FOXP1: variants seen among roughly 807,000 people sequenced by gnomAD.
FOXP1 encodes the protein forkhead box P1, also known as forkhead box protein P1.
In FOXP1, 15 loss-of-function variants were observed where a neutral mutation model predicts 98.2. The ratio of observed to expected loss-of-function variants is 0.15; its 90% CI spans 0.10 to 0.24. The LOEUF (loss-of-function observed/expected upper bound fraction) is 0.24, where lower values mean the gene tolerates loss of function less well. Ranked by LOEUF, FOXP1 falls within the 10% of genes least tolerant of loss-of-function variation. FOXP1 has a pLI of 1.00. For synonymous variants in FOXP1, 371 were observed against 314.5 expected (o/e 1.18, Z -1.90); for missense variants, 633 against 848.5 (o/e 0.75, Z 3.15).
At chr3:71,128,125 A>T (rs1318545279) in intron 6 of FOXP1, among the ~76,000 whole-genome samples, 1 of 152,180 alleles carries the variant, frequency 6.6e-6, no homozygotes, top group Non-Finnish European at 1.5e-5. Flanking sequence ...TCTTGATACG[A>T]CTGGGCCAGG....
intron 11 of FOXP1, among the ~76,000 whole-genome samples, chr3:71,027,703 G>C (rs1392184510): frequency 6.6e-6 from 1 of 152,036 alleles, no homozygotes; most frequent in Non-Finnish European, 1.5e-5. Context: ...TAAGATTTCT[G>C]TATACACATA....
intron 5 of FOXP1, among the ~76,000 whole-genome samples, chr3:71,233,123 C>T (rs1469898941): frequency 6.7e-6 from 1 of 150,278 alleles, no homozygotes; most frequent in Non-Finnish European, 1.5e-5. Context: ...CCAGCCTAGG[C>T]AACAGAGTGA....
chr3:71,426,442 G>C (rs2084162070), intron 3 of FOXP1, among the ~76,000 whole-genome samples: 1 of 152,170 alleles, frequency 6.6e-6, no homozygotes, highest in Non-Finnish European at 1.5e-5. Flanking sequence ...AGGCAAAGAG[G>C]AGAAGTCTTC....
At chr3:71,425,182 C>T (rs77998903) in intron 3 of FOXP1, among the ~76,000 whole-genome samples, 1,838 of 152,160 alleles carry the variant, frequency 0.012, 42 homozygotes, top group African/African-American at 0.042. Flanking sequence ...GTGGCACAAT[C>T]TCGGCTCACT....
intron 3 of FOXP1, among the ~76,000 whole-genome samples, chr3:71,411,544 G>C (rs949953125): frequency 6.6e-6 from 1 of 152,020 alleles, no homozygotes; most frequent in Admixed American, 6.6e-5. Flanking sequence ...GGATGGTCTC[G>C]ATCTCCTGAC....
At chr3:71,531,310 T>C (rs1237276858) in intron 2 of FOXP1, among the ~76,000 whole-genome samples, 1 of 152,104 alleles carries the variant, frequency 6.6e-6, no homozygotes. Context: ...CCATTTCCAC[T>C]AGCACAGGCA....
At chr3:71,342,066 C>T (rs151028042) in intron 4 of FOXP1, among the ~76,000 whole-genome samples, 1 of 152,098 alleles carries the variant, frequency 6.6e-6, no homozygotes, top group Non-Finnish European at 1.5e-5. Context: ...ATGAATTTAA[C>T]TTTTTTGCCG....
At chr3:71,104,792 A>G (rs1329359955) in intron 7 of FOXP1, among the ~76,000 whole-genome samples, 2 of 152,206 alleles carry the variant, frequency 1.3e-5, no homozygotes, top group East Asian at 3.8e-4. Context: ...ACTTTGACAA[A>G]ACGTCCTGAT....
At chr3:71,318,212 A>G (rs1292013142) in intron 4 of FOXP1, among the ~76,000 whole-genome samples, 1 of 150,642 alleles carries the variant, frequency 6.6e-6, no homozygotes, top group Non-Finnish European at 1.5e-5. Flanking sequence ...AGGCATGAAA[A>G]TAGAGTTTCA....
chr3:71,562,137 T>C (rs919298334), intron 2 of FOXP1, among the ~76,000 whole-genome samples: 1 of 152,184 alleles, frequency 6.6e-6, no homozygotes, highest in Non-Finnish European at 1.5e-5. Flanking sequence ...AATGGAGGGA[T>C]ATGAAAGAAC....
intron 5 of FOXP1, among the ~76,000 whole-genome samples, chr3:71,244,697 T>G (rs2067577816): frequency 6.6e-6 from 1 of 151,916 alleles, no homozygotes; most frequent in African/African-American, 2.4e-5. Flanking sequence ...GTGGCATTTT[T>G]TTTTTCTGAA....
At chr3:71,096,685 T>A (rs79385869) in intron 7 of FOXP1, among the ~76,000 whole-genome samples, 7,210 of 152,210 alleles carry the variant, frequency 0.047, 610 homozygotes, top group African/African-American at 0.16. Flanking sequence ...ATATAACCAG[T>A]AAGATATTTC....
chr3:71,518,263 T>C (rs1175523275), intron 2 of FOXP1, among the ~76,000 whole-genome samples: 1 of 152,104 alleles, frequency 6.6e-6, no homozygotes, highest in Non-Finnish European at 1.5e-5. Context: ...GCAAAAAGAT[T>C]CCCTGACTCC....
At chr3:71,304,556 T>C (rs1430911911) in intron 4 of FOXP1, 1 of 152,206 alleles carries the variant, frequency 6.6e-6, no homozygotes, top group South Asian at 2.1e-4. Context: ...AACTATTATC[T>C]CTATCAATCA....
intron 5 of FOXP1, among the ~76,000 whole-genome samples, chr3:71,198,692 C>A (rs1027443864): frequency 2.6e-5 from 4 of 151,614 alleles, no homozygotes; most frequent in Non-Finnish European, 5.9e-5. Context: ...TTAAATTTTT[C>A]TTTTTTCTTT....
chr3:71,330,820 C>T (rs1359233620), intron 4 of FOXP1, among the ~76,000 whole-genome samples: 4 of 152,244 alleles, frequency 2.6e-5, no homozygotes, highest in Non-Finnish European at 5.9e-5. Context: ...TGCAGAAGCA[C>T]AGTTTTTGAA....
chr3:70,958,268 T>G lies in FOXP1; in HGVS notation c.*979A>C. Reference sequence around the variant, plus strand: ...CCCTCCCCCGAACCACCCCCAATACTGCTGCGTGGAATGAATCGGCATTGT... The same window carrying G: ...CCCTCCCCCGAACCACCCCCAATACGGCTGCGTGGAATGAATCGGCATTGT... On this transcript the variant is annotated 3_prime_UTR_variant, in exon 21 of 21. Transcript: ENST00000649528. The G allele has an allele frequency of 1.9e-6, 1 of 534,722 alleles. No homozygotes were observed. The highest frequency in any genetic ancestry group is 1.5e-5 in the South Asian group (1 of 65,162). 33.1% of individuals were successfully genotyped at this position (534,722 alleles called of 1,614,324 possible). A position where few individuals can be genotyped will look rare whatever the true frequency, so the allele number is the denominator to read the frequency against.
intron 5 of FOXP1, among the ~76,000 whole-genome samples, chr3:71,257,306 G>A (rs999553178): frequency 1.3e-5 from 2 of 152,150 alleles, no homozygotes; most frequent in Admixed American, 1.3e-4. Flanking sequence ...ACCAGGCATG[G>A]TGGCTCACGC....
intron 5 of FOXP1, among the ~76,000 whole-genome samples, chr3:71,278,840 C>G (rs12487457): frequency 0.05 from 7,516 of 151,796 alleles, 252 homozygotes; most frequent in Non-Finnish European, 0.08. Context: ...AATACCCAGC[C>G]GCGCCTTCAT....
Sources: gnomAD v4.1 joint callset for allele counts (sites outside exome capture counted in the v4.1 genomes callset) on GRCh38, gnomAD v4.1.1 for gene constraint, MANE v1.5 for transcripts, NCBI Gene and HGNC (gene_info 2026-07-23, HGNC 2026-07-21) for gene names.